Variants in GAS7 observed in about 807,000 individuals in gnomAD.
GAS7 encodes the protein growth arrest specific 7, also known as growth arrest-specific protein 7.
A neutral mutation model predicts 71.1 loss-of-function variants in GAS7; 28 were observed. The ratio of observed to expected loss-of-function variants is 0.39; its 90% CI spans 0.29 to 0.54. The LOEUF is 0.54. GAS7 is among the 20% of genes least tolerant of loss of function. GAS7 has a pLI of 0.62. For synonymous variants in GAS7, 258 were observed against 245.8 expected, an observed-to-expected ratio of 1.05 and a Z score of -0.46; for missense variants, 436 against 627.8, an observed-to-expected ratio of 0.69 and a Z score of 3.27.
intron 1 of GAS7, among the ~76,000 whole-genome samples, chr17:10,042,558 C>A (rs2072888465): frequency 6.6e-6 from 1 of 152,086 alleles, no homozygotes; most frequent in Non-Finnish European, 1.5e-5. Context: ...TAGGACCTGA[C>A]TCCTAAAATT....
At chr17:10,104,815 G>C (rs76108408) in intron 1 of GAS7, among the ~76,000 whole-genome samples, 2 of 152,028 alleles carry the variant, frequency 1.3e-5, no homozygotes, top group Non-Finnish European at 2.9e-5. Flanking sequence ...CTGCCATGCT[G>C]TTCCCTACAT....
intron 1 of GAS7, among the ~76,000 whole-genome samples, chr17:10,114,110 A>T (rs1039224162): frequency 6.6e-6 from 1 of 151,752 alleles, no homozygotes; most frequent in Non-Finnish European, 1.5e-5. Flanking sequence ...TATTTTTTGT[A>T]GAGATGGGGG....
intron 1 of GAS7, among the ~76,000 whole-genome samples, chr17:10,090,810 G>A (rs1284333176): frequency 1.3e-5 from 2 of 152,100 alleles, no homozygotes; most frequent in African/African-American, 2.4e-5. Context: ...TCAAAACGAC[G>A]GGATGGCAAC....
At chr17:9,931,856 C>A (rs1275144278) in intron 9 of GAS7, among the ~76,000 whole-genome samples, 2 of 152,172 alleles carry the variant, frequency 1.3e-5, no homozygotes, top group African/African-American at 4.8e-5. Context: ...AGTCCTTTCA[C>A]GTGTCTCAGT....
Position 10,165,049 on chromosome 17 carries a change from C to T in GAS7, c.183+33159G>A, listed in dbSNP as rs577224987. On this transcript the variant is annotated intron_variant, in intron 1 of 13. Coordinates refer to ENST00000432992, the MANE Select transcript of GAS7 (RefSeq NM_201433.2). ...CCTGTAGTCCCAGCACTTTGGGAAG[C>T]TGAGGCAGGCGGATCACAAGGTCAG... Among the ~76,000 whole-genome samples the T allele has an allele frequency of 4.6e-5, 7 of 151,184 alleles. No homozygotes were observed. In the East Asian group the frequency reaches 9.7e-4, roughly 21 times the overall value.
chr17:10,067,216 A>G (rs2073290883), intron 1 of GAS7, among the ~76,000 whole-genome samples: 1 of 150,972 alleles, frequency 6.6e-6, no homozygotes, highest in Non-Finnish European at 1.5e-5. Context: ...TTTTATTCCA[A>G]CTCCCTTCAC....
chr17:10,087,990 A>T, intron 1 of GAS7, among the ~76,000 whole-genome samples: 1 of 151,990 alleles, frequency 6.6e-6, no homozygotes, highest in Admixed American at 6.6e-5. Flanking sequence ...AAAAGGGAAG[A>T]AGGGCTTGGG....
At chr17:10,064,971 C>T (rs2073265363) in intron 1 of GAS7, among the ~76,000 whole-genome samples, 1 of 151,240 alleles carries the variant, frequency 6.6e-6, no homozygotes, top group Non-Finnish European at 1.5e-5. Context: ...CAGGTGTGTG[C>T]CACCACACCT....
intron 1 of GAS7, among the ~76,000 whole-genome samples, chr17:10,118,390 C>T (rs1005772778): frequency 5.3e-5 from 8 of 152,116 alleles, no homozygotes; most frequent in African/African-American, 1.9e-4. Context: ...CCCTGGGGGC[C>T]CTCACTGCCC....
Position 10,030,555 on chromosome 17 carries a change from C to G in GAS7, c.184-10658G>C, listed in dbSNP as rs538980471. On this transcript the variant is annotated intron_variant, in intron 1 of 13. Transcript: ENST00000432992. ...AGAGCCAGGAGGGTCGCCTTCCTTT[C>G]TCCCAGTTTTCTATTTGCAAAATTT... Among the ~76,000 whole-genome samples the G allele has an allele frequency of 5.3e-5, 8 of 152,348 alleles. No homozygotes were observed. The South Asian group carries it at 1.7e-3, about 32-fold the overall frequency.
chr17:10,036,564 G>A, intron 1 of GAS7: 3 of 1,554,848 alleles, frequency 1.9e-6, no homozygotes, highest in South Asian at 2.3e-5. Flanking sequence ...CCGGGAAATG[G>A]GGCTGAGGCA....
chr17:9,990,224 G>A (rs536314650), intron 2 of GAS7, among the ~76,000 whole-genome samples: 3 of 152,176 alleles, frequency 2.0e-5, no homozygotes, highest in East Asian at 1.9e-4. Flanking sequence ...AGCCGAGATC[G>A]CACCGCTGCA....
intron 1 of GAS7, among the ~76,000 whole-genome samples, chr17:10,052,079 T>C (rs1368154706): frequency 3.9e-5 from 6 of 152,112 alleles, no homozygotes; most frequent in Non-Finnish European, 7.4e-5. Flanking sequence ...CCAAGACTGG[T>C]GCTAGTTCCA....
chr17:10,005,322 T>C (rs1040191046), intron 2 of GAS7, among the ~76,000 whole-genome samples: 11 of 144,780 alleles, frequency 7.6e-5, no homozygotes, highest in African/African-American at 2.6e-4. Flanking sequence ...CACACACATA[T>C]ATATATACAC....
chr17:10,001,978 T>A (rs1054002159), intron 2 of GAS7, among the ~76,000 whole-genome samples: 1 of 152,086 alleles, frequency 6.6e-6, no homozygotes, highest in African/African-American at 2.4e-5. Context: ...TGCCGGGTAT[T>A]GAAATGTAGG....
At chr17:10,123,469 C>G (rs927134600) in intron 1 of GAS7, among the ~76,000 whole-genome samples, 1 of 152,204 alleles carries the variant, frequency 6.6e-6, no homozygotes. Context: ...CCAGAATGTA[C>G]CCATGCCTCT....
At chr17:10,112,666 G>A (rs984303155) in intron 1 of GAS7, among the ~76,000 whole-genome samples, 2 of 152,042 alleles carry the variant, frequency 1.3e-5, no homozygotes, top group Non-Finnish European at 2.9e-5. Flanking sequence ...TTGAACCTGG[G>A]AGGCAGAGGT....
intron 1 of GAS7, among the ~76,000 whole-genome samples, chr17:10,117,509 C>T (rs2073871065): frequency 6.6e-6 from 1 of 152,152 alleles, no homozygotes; most frequent in South Asian, 2.1e-4. Context: ...TAAAGAAACA[C>T]CACGGAAGGC....
chr17:10,095,270 C>A (rs8080606), intron 1 of GAS7, among the ~76,000 whole-genome samples: 76,560 of 152,068 alleles, frequency 0.5, 20,371 homozygotes, highest in African/African-American at 0.57. Context: ...AATTGCATAA[C>A]ACATAAATGT....
Sources: gnomAD v4.1 joint callset for allele counts (sites outside exome capture counted in the v4.1 genomes callset) on GRCh38, gnomAD v4.1.1 for gene constraint, MANE v1.5 for transcripts, NCBI Gene and HGNC (gene_info 2026-07-23, HGNC 2026-07-21) for gene names.